Variants in LMF2 observed in about 807,000 individuals in gnomAD.
The protein encoded by LMF2 is lipase maturation factor 2.
A neutral mutation model predicts 81.5 loss-of-function variants in LMF2; 113 were observed. That is an observed-to-expected ratio of 1.39 (90% CI 1.19 to 1.62). The LOEUF (loss-of-function observed/expected upper bound fraction) is 1.62. LMF2 is among the 40% of genes most tolerant of loss of function. The probability of loss-of-function intolerance (pLI) is 0.00; values close to 1 mark genes in which losing one functional copy is unlikely to be tolerated. For synonymous variants in LMF2, 645 were observed against 424.5 expected (o/e 1.52, Z -6.39); for missense variants, 1,235 against 929.1 (o/e 1.33, Z -4.28).
intron 12 of LMF2, among the ~76,000 whole-genome samples, 156 bp from the exon 13 acceptor site, chr22:50,504,060 C>CT: frequency 9.2e-6 from 1 of 108,918 alleles, no homozygotes; most frequent in Non-Finnish European, 2.0e-5. Flanking sequence ...ACACCCCACC[C>CT]GGTGCCCGGC....
rs759911899 is a variant in LMF2 at position 50,505,464 on chromosome 22, G to C, written c.990C>G (p.Gly330=). 1 of 1,612,850 alleles carries C rather than the reference G, an allele frequency of 6.2e-7. No homozygotes were observed. Among genetic ancestry groups the C allele is most frequent in the African/African-American group, 1.3e-5 (1 of 74,952 alleles). ...ELAVYGLLAY[G]TVHYFGLEVD... ...CCTCCAGGCCAAAGTAGTGCACAGT[G>C]CCATAGGCCAGAAGCCCGTAGACGG... Residue 330 remains glycine (G), a synonymous_variant, in exon 7 of 14, where the codon GGC becomes GGG. Transcript: ENST00000474879.
rs1001648797 is a variant in LMF2 at position 50,507,567 on chromosome 22, C to T, written c.94+15G>A. The T allele has an allele frequency of 2.6e-6, 4 of 1,543,400 alleles. No homozygotes were observed. Among genetic ancestry groups the T allele is most frequent in the East Asian group, 4.8e-5 (2 of 41,420 alleles). On this transcript the variant is annotated intron_variant, in intron 1 of 13. Transcript: ENST00000474879. Reference sequence around the variant, plus strand: ...CGCGCCGAGGCTGGGGGTGTCCCACCCTGGGTGCCTTCACCTGGGATTTGC... The same window carrying T: ...CGCGCCGAGGCTGGGGGTGTCCCACTCTGGGTGCCTTCACCTGGGATTTGC...
rs762857425 is a variant in LMF2 at position 50,505,256 on chromosome 22, A to T, written c.1130T>A (p.Val377Asp). ...CCACAGGGCACTCAGCAGCTCCCAG[A>T]CCAGGGAGGCCACACCCAGCCACAC... ...PTVWLGVASLVWELLSALWRW... is the reference protein window; with the variant it reads ...PTVWLGVASLDWELLSALWRW... The change falls in exon 8 of 14, where the codon GTC becomes GAC. Residue 377 changes from valine (V) to aspartate (D), a missense_variant. Physicochemically the swap from Val to Asp is radical, Grantham distance 152. Transcript: ENST00000474879. The T allele has an allele frequency of 6.2e-7, 1 of 1,613,084 alleles. No homozygotes were observed. Among genetic ancestry groups the T allele is most frequent in the Admixed American group, 1.7e-5 (1 of 60,032 alleles).
chr22:50,505,076 G>A lies in LMF2; in HGVS notation c.1235C>T (p.Ala412Val), dbSNP rs757011688. The change falls in exon 9 of 14, where the codon GCC becomes GTC. Residue 412 changes from alanine (A) to valine (V), a missense_variant. Ala to Val is a moderately conservative substitution (Grantham distance 64). Transcript: ENST00000474879. Reference sequence around the variant, plus strand: ...ACCCACCAGGCTAATCAGGAACAAGGCCACGGTCGCAGTGCCCACAAGGGA... The same window carrying A: ...ACCCACCAGGCTAATCAGGAACAAGACCACGGTCGCAGTGCCCACAAGGGA... ...QLSLVGTATV[A>V]LFLISLVPYS... The A allele has an allele frequency of 2.2e-5, 36 of 1,612,834 alleles. No homozygotes were observed. The South Asian group carries it at 2.7e-4, about 12-fold the overall frequency.
Position 50,505,154 on chromosome 22 carries a change from C to G in LMF2, c.1158-1G>C, listed in dbSNP as rs771247685. 1.9e-6 allele frequency: 3 copies of G among 1,612,974 alleles called. No individual in the cohort carries two copies. The highest frequency in any genetic ancestry group is 2.2e-5 in the South Asian group (2 of 91,090). On this transcript the variant is annotated splice_acceptor_variant, in intron 8 of 13. Transcript: ENST00000474879. LOFTEE classifies it high-confidence loss of function. ...TAGCCAGCCCCGCACCTGGGTCCAC[C>G]TGTGGGCAAGGACCCAAGGTCGTCA...
chr22:50,504,753 G>A, intron 10 of LMF2, 26 bp from the exon 11 acceptor site: 2 of 1,607,534 alleles, frequency 1.2e-6, no homozygotes. Context: ...AGGTCAGCTG[G>A]GCCCGCTGAC....
intron 1 of LMF2, 168 bp from the exon 2 acceptor site, chr22:50,507,203 T>C (rs2068610843): frequency 8.6e-7 from 1 of 1,161,728 alleles, no homozygotes; most frequent in Admixed American, 2.9e-5. Context: ...TCGGGACCTG[T>C]CAAAACCCCG....
At position 50,503,266 on chromosome 22, in the gene LMF2, G is replaced by T; in HGVS notation, c.*125C>A. ...CAGCACCCTGCAAACCCCAGGGGCAGCCCCCCAACCTGTGCCTGGCCCTGC... is the reference window on the plus strand; with the variant it reads ...CAGCACCCTGCAAACCCCAGGGGCATCCCCCCAACCTGTGCCTGGCCCTGC... On this transcript the variant is annotated 3_prime_UTR_variant, in exon 14 of 14. Transcript: ENST00000474879. The T allele has an allele frequency of 9.6e-7, 1 of 1,043,002 alleles. No individual in the cohort carries two copies. The highest frequency in any genetic ancestry group is 1.4e-6 in the Non-Finnish European group (1 of 729,322). The allele number at this position is 1,043,002 out of a possible 1,614,324, so 64.6% of individuals were successfully genotyped here.
Position 50,505,475 on chromosome 22 carries a change from G to A in LMF2, c.979C>T (p.Leu327=), listed in dbSNP as rs377204899. 9.3e-6 allele frequency: 15 copies of A among 1,612,974 alleles called. No individual in the cohort carries two copies. The highest frequency in any genetic ancestry group is 1.2e-5 in the Non-Finnish European group (14 of 1,180,036). The change falls in exon 7 of 14, where the codon CTG becomes TTG. Residue 327 remains leucine (L), a synonymous_variant. Coordinates refer to ENST00000474879, the MANE Select transcript of LMF2 (RefSeq NM_033200.3). ...AAGTAGTGCACAGTGCCATAGGCCA[G>A]AAGCCCGTAGACGGCTAGTTCCAGC... ...LLLELAVYGL[L]AYGTVHYFGL...
chr22:50,504,496 C>T, intron 11 of LMF2, 45 bp from the exon 12 acceptor site: 1 of 753,166 alleles, frequency 1.3e-6, no homozygotes, highest in Non-Finnish European at 2.1e-6. Context: ...ACCCGCCCTG[C>T]CCCTCCCCTC....
intron 1 of LMF2, 70 bp downstream of exon 1, chr22:50,507,512 C>G: frequency 8.2e-7 from 1 of 1,212,260 alleles, no homozygotes; most frequent in African/African-American, 1.5e-5. Context: ...GCGTGAGTGC[C>G]GGGCACAGAG....
intron 1 of LMF2, 80 bp downstream of exon 1, chr22:50,507,502 G>T: frequency 8.8e-7 from 1 of 1,130,570 alleles, no homozygotes; most frequent in Non-Finnish European, 1.3e-6. Context: ...ACCCCGGACT[G>T]CGTGAGTGCC....
In LMF2 at chr22:50,506,045, A is replaced by G. The variant is rs1488479406; in HGVS notation, c.764T>C (p.Phe255Ser). 5.0e-6 allele frequency: 8 copies of G among 1,586,440 alleles called. No homozygotes were observed. The highest frequency in any genetic ancestry group is 6.9e-6 in the Non-Finnish European group (8 of 1,166,504). ...APIRRLRLAA[F>S]YSQVLLQVLI... ...GCGGCCCTCACCCACCTGCGAGTAG[A>G]AAGCAGCCAAGCGCAGGCGTCGAAT... Residue 255 changes from phenylalanine (F) to serine (S), a missense_variant, in exon 5 of 14, where the codon TTC (phenylalanine) becomes TCC (serine). Transcript: ENST00000474879.
rs772418345 is a variant in LMF2 at position 50,506,862 on chromosome 22, G to A, written c.268C>T (p.Leu90=). ...AGTGGGCTCAGCAGCAGGGCTCCCAGGGCCACTAGTGCACCCAGCAGGCTC... is the reference window on the plus strand; with the variant it reads ...AGTGGGCTCAGCAGCAGGGCTCCCAAGGCCACTAGTGCACCCAGCAGGCTC... The part of the protein sequence containing the change: ...LLSLLGALVA[L]GALLLSPLRH... The change falls in exon 2 of 14, where the codon CTG becomes TTG. Residue 90 remains leucine, a synonymous_variant. Transcript: ENST00000474879. 1 of 1,592,816 alleles carries A rather than the reference G, an allele frequency of 6.3e-7. No homozygotes were observed. The highest frequency in any genetic ancestry group is 8.5e-7 in the Non-Finnish European group (1 of 1,170,028).
Position 50,503,285 on chromosome 22 carries a change from G to T in LMF2, c.*106C>A. On this transcript the variant is annotated 3_prime_UTR_variant, in exon 14 of 14. Coordinates refer to ENST00000474879, the MANE Select transcript of LMF2 (RefSeq NM_033200.3). ...GGGGCAGCCCCCCAACCTGTGCCTG[G>T]CCCTGCAGGGTCAGCTAAGGCACAG... 3 of 1,236,552 alleles carry T rather than the reference G, an allele frequency of 2.4e-6. No homozygotes were observed. Among genetic ancestry groups the T allele is most frequent in the Non-Finnish European group, 3.4e-6 (3 of 887,170 alleles). 76.6% of individuals were successfully genotyped at this position (1,236,552 alleles called of 1,614,324 possible). A position where few individuals can be genotyped will look rare whatever the true frequency, so the allele number is the denominator to read the frequency against.
Position 50,504,405 on chromosome 22 carries a change from C to T in LMF2, c.1653G>A (p.Lys551=), listed in dbSNP as rs1205154495. The change falls in exon 12 of 14, where the codon AAG becomes AAA. Residue 551 remains lysine, a synonymous_variant. Coordinates refer to ENST00000474879, the MANE Select transcript of LMF2 (RefSeq NM_033200.3). ...GGGCTCGGACGTAGGTGGGCGGCTGCTTGTGGAAGGGATACCTGGCCACTT... is the reference window on the plus strand; with the variant it reads ...GGGCTCGGACGTAGGTGGGCGGCTGTTTGTGGAAGGGATACCTGGCCACTT... ...QSQVARYPFH[K]QPPTYVRAQR... 6.2e-7 allele frequency: 1 copy of T among 1,612,438 alleles called. No homozygotes were observed. The highest frequency in any genetic ancestry group is 8.5e-7 in the Non-Finnish European group (1 of 1,179,706).
At chr22:50,507,557 G>T in intron 1 of LMF2, 25 bp downstream of exon 1, 2 of 1,501,624 alleles carry the variant, frequency 1.3e-6, no homozygotes, top group South Asian at 1.2e-5. Context: ...CGAGGCTGGG[G>T]GTGTCCCACC....
rs2068542787 is a variant in LMF2, at chr22:50,505,686, T to C, written c.904A>G (p.Lys302Glu). ...AAGTGACACGCACAGGTGGCCGTCT[T>C]CTTGCGGCTGCCGTGGCCAGGCTCA... ...AAEPGHGSRKKTATSWPKALL... is the reference protein window; with the variant it reads ...AAEPGHGSRKETATSWPKALL... Residue 302 changes from lysine (K) to glutamate (E), a missense_variant, in exon 6 of 14, where the codon AAG becomes GAG. Lys to Glu is a moderately conservative substitution (Grantham distance 56, BLOSUM62 1). Coordinates refer to ENST00000474879, the MANE Select transcript of LMF2 (RefSeq NM_033200.3). 6.2e-7 allele frequency: 1 copy of C among 1,612,880 alleles called. No individual in the cohort carries two copies. Among genetic ancestry groups the C allele is most frequent in the Non-Finnish European group, 8.5e-7 (1 of 1,179,902 alleles).
chr22:50,507,376 C>A, intron 1 of LMF2: 1 of 616,752 alleles, frequency 1.6e-6, no homozygotes, highest in Non-Finnish European at 2.9e-6. Flanking sequence ...CACCCCAGGT[C>A]AGAGTCCAGA....
Sources: gnomAD v4.1 joint callset for allele counts (sites outside exome capture counted in the v4.1 genomes callset) on GRCh38, gnomAD v4.1.1 for gene constraint, MANE v1.5 for transcripts, NCBI Gene and HGNC (gene_info 2026-07-23, HGNC 2026-07-21) for gene names.